The following NBEAL1 variants were observed in gnomAD, a reference collection of about 807,000 sequenced individuals.
The protein encoded by NBEAL1 is neurobeachin like 1, also known as neurobeachin-like protein 1.
Under a neutral mutation model 351.3 loss-of-function variants are expected in NBEAL1, and 273 were observed. The observed-to-expected ratio is 0.78, with a 90% CI of 0.70 to 0.86. NBEAL1 has a LOEUF of 0.86. Ranked by LOEUF, NBEAL1 falls within the 40% of genes least tolerant of loss-of-function variation. The pLI, the probability that NBEAL1 is intolerant of heterozygous loss-of-function variation, is 0.00. For synonymous variants in NBEAL1, 1,050 were observed against 1,086.4 expected, an observed-to-expected ratio of 0.97 and a Z score of 0.66; for missense variants, 2,961 against 3,201.3, an observed-to-expected ratio of 0.92 and a Z score of 1.81.
intron 19 of NBEAL1, among the ~76,000 whole-genome samples, chr2:203,123,136 G>GAA (rs60819391): frequency 2.7e-3 from 398 of 144,968 alleles, no homozygotes; most frequent in Admixed American, 2.9e-3. Flanking sequence ...GGTAAATCAG[G>GAA]AAAAAAAAAA....
chr2:203,221,692 T>A lies in NBEAL1; in HGVS notation c.*4338T>A, dbSNP rs978556700. ...CTTTAACAAAATCCATTCTCAATAT[T>A]CTTTTTGCTGAATTCGTATATTGTA... On this transcript the variant is annotated 3_prime_UTR_variant, in exon 56 of 56. Transcript: ENST00000683969. Among the ~76,000 whole-genome samples, 4 of 152,226 alleles carry A rather than the reference T, an allele frequency of 2.6e-5. No homozygotes were observed. The highest frequency in any genetic ancestry group is 5.9e-5 in the Non-Finnish European group (4 of 68,044).
rs968428173 is a variant in NBEAL1 at position 203,108,127 on chromosome 2, G to C, written c.1888G>C (p.Asp630His). The C allele has an allele frequency of 1.3e-6, 2 of 1,552,114 alleles. No homozygotes were observed. The highest frequency in any genetic ancestry group is 1.2e-5 in the South Asian group (1 of 84,066). The change falls in exon 14 of 56, where the codon GAC (aspartate) becomes CAC (histidine). Residue 630 changes from aspartate to histidine, a missense_variant. Physicochemically the swap from Asp to His is moderately conservative, Grantham distance 81. Coordinates refer to ENST00000683969, the MANE Select transcript of NBEAL1 (RefSeq NM_001378026.1). ...AFSFSAWFCL[D>H]QDQLTLGIAN... ...TTCTTTCAGTGCTTGGTTTTGCTTA[G>C]ACCAGGATCAGTTGACTCTTGGCAT...
chr2:203,114,710 G>C (rs1001072179), intron 17 of NBEAL1, among the ~76,000 whole-genome samples: 1 of 152,070 alleles, frequency 6.6e-6, no homozygotes. Flanking sequence ...CCACATTTCA[G>C]ACTTTATATT....
At chr2:203,195,566 C>T (rs1036449640) in intron 47 of NBEAL1, among the ~76,000 whole-genome samples, 1 of 152,116 alleles carries the variant, frequency 6.6e-6, no homozygotes, top group Non-Finnish European at 1.5e-5. Flanking sequence ...GAAAGACTCA[C>T]GGAATTTAAC....
intron 7 of NBEAL1, among the ~76,000 whole-genome samples, chr2:203,076,481 ACAAACAAACAAAC>A (rs2061774728): frequency 7.1e-6 from 1 of 141,006 alleles, no homozygotes; most frequent in Admixed American, 7.2e-5. Context: ...TGTCTCAAAA[ACAAACAAACAAAC>A]AAAAAAAAAA....
chr2:203,135,249 ATGTCTTATG>A (rs1343133338), intron 27 of NBEAL1, among the ~76,000 whole-genome samples: 1 of 151,176 alleles, frequency 6.6e-6, no homozygotes, highest in African/African-American at 2.5e-5. Context: ...TTCTATCAAA[ATGTCTTATG>A]TGTCCTATTC....
intron 42 of NBEAL1, among the ~76,000 whole-genome samples, chr2:203,177,142 C>A (rs2064532426): frequency 7.1e-6 from 1 of 141,310 alleles, no homozygotes; most frequent in Non-Finnish European, 1.5e-5. Context: ...CACAGCAAAG[C>A]TCTATCTCAA....
chr2:203,122,855 A>C (rs1458450318), intron 19 of NBEAL1, among the ~76,000 whole-genome samples: 1 of 152,152 alleles, frequency 6.6e-6, no homozygotes, highest in African/African-American at 2.4e-5. Context: ...TAGTAGTCCA[A>C]AAGAACTTTG....
At chr2:203,052,205 A>G (rs998502222) in intron 4 of NBEAL1, 1 of 150,726 alleles carries the variant, frequency 6.6e-6, no homozygotes, top group Non-Finnish European at 1.5e-5. Flanking sequence ...TTACACACCC[A>G]CACACACACA....
intron 6 of NBEAL1, 52 bp downstream of exon 6, chr2:203,057,505 T>G: frequency 1.4e-6 from 2 of 1,462,258 alleles, no homozygotes; most frequent in Non-Finnish European, 1.9e-6. Context: ...TCATAATATA[T>G]TTGATTCTTC....
At chr2:203,099,182 A>G (rs998916518) in intron 11 of NBEAL1, among the ~76,000 whole-genome samples, 2 of 151,992 alleles carry the variant, frequency 1.3e-5, no homozygotes, top group African/African-American at 4.8e-5. Context: ...AGGCTGAGGC[A>G]GGAGAATCAC....
chr2:203,071,477 G>A (rs2061681010), intron 7 of NBEAL1, among the ~76,000 whole-genome samples: 2 of 151,928 alleles, frequency 1.3e-5, no homozygotes, highest in African/African-American at 4.8e-5. Flanking sequence ...GAGATGTTAG[G>A]GCTTCCACAT....
intron 7 of NBEAL1, among the ~76,000 whole-genome samples, chr2:203,073,768 T>G (rs557330786): frequency 1.3e-5 from 2 of 152,212 alleles, no homozygotes; most frequent in South Asian, 4.1e-4. Flanking sequence ...ATTAACTTCC[T>G]CTTAATTGCT....
chr2:203,124,624 G>A (rs13431510), intron 19 of NBEAL1, among the ~76,000 whole-genome samples: 137,516 of 152,154 alleles, frequency 0.9, 62,770 homozygotes, highest in Non-Finnish European at 0.96. Context: ...AGCAAAGAAT[G>A]TGAAGAGGTT....
chr2:203,044,242 A>G (rs1009314137), intron 3 of NBEAL1, among the ~76,000 whole-genome samples: 4 of 152,224 alleles, frequency 2.6e-5, no homozygotes, highest in African/African-American at 9.6e-5. Flanking sequence ...TATTCATGTT[A>G]GGTTTATAAA....
chr2:203,096,095 T>C (rs2062178250), intron 10 of NBEAL1, among the ~76,000 whole-genome samples: 1 of 152,214 alleles, frequency 6.6e-6, no homozygotes, highest in African/African-American at 2.4e-5. Flanking sequence ...ATGTGCCAGA[T>C]ACTATGCTAA....
intron 31 of NBEAL1, among the ~76,000 whole-genome samples, chr2:203,144,210 C>CAAAAAA (rs1203059538): frequency 5.7e-5 from 3 of 52,936 alleles, no homozygotes; most frequent in East Asian, 6.6e-4. Flanking sequence ...GACTCCATCT[C>CAAAAAA]AAAAAAAAAA....
intron 24 of NBEAL1, among the ~76,000 whole-genome samples, chr2:203,129,683 A>G (rs1159257491): frequency 1.3e-5 from 2 of 152,250 alleles, no homozygotes; most frequent in Non-Finnish European, 2.9e-5. Context: ...ACAAATAACT[A>G]TAAACAAAGA....
intron 35 of NBEAL1, among the ~76,000 whole-genome samples, chr2:203,152,507 T>A (rs1343117800): frequency 6.6e-6 from 1 of 151,258 alleles, no homozygotes; most frequent in Non-Finnish European, 1.5e-5. Context: ...GGAGAATTGC[T>A]TGAACCCGGG....
Sources: allele counts gnomAD v4.1 joint callset (sites outside exome capture counted in the v4.1 genomes callset), GRCh38; gene constraint gnomAD v4.1.1; transcripts MANE v1.5; gene names NCBI Gene and HGNC (gene_info 2026-07-23, HGNC 2026-07-21).